Variants in DOCK9 observed in about 807,000 individuals in gnomAD.
DOCK9 encodes the protein dedicator of cytokinesis protein 9.
In DOCK9, 89 loss-of-function variants were observed where a neutral mutation model predicts 263.3. The observed-to-expected ratio is 0.34, with a 90% CI of 0.28 to 0.40. The LOEUF (loss-of-function observed/expected upper bound fraction) is 0.40. DOCK9 is among the 10% of genes least tolerant of loss of function. DOCK9 has a pLI of 1.00. For missense variants in DOCK9, 2,140 were observed against 2,603.4 expected (o/e 0.82, Z 3.87); for synonymous variants, 976 against 973.1 (o/e 1.00, Z -0.06).
intron 11 of DOCK9, among the ~76,000 whole-genome samples, 181 bp from the exon 12 acceptor site, chr13:98,902,672 A>G (rs553542041): frequency 9.9e-5 from 15 of 152,206 alleles, no homozygotes; most frequent in Non-Finnish European, 1.5e-4. Context: ...CAAACAAAAC[A>G]ATTATTTTAC....
At chr13:98,955,215 G>A (rs1156321781) in intron 2 of DOCK9, among the ~76,000 whole-genome samples, 4 of 152,118 alleles carry the variant, frequency 2.6e-5, no homozygotes, top group Non-Finnish European at 4.4e-5. Flanking sequence ...TTACTTGAGA[G>A]GCTGAGGCAG....
intron 1 of DOCK9, among the ~76,000 whole-genome samples, chr13:99,036,152 C>T (rs193067987): frequency 5.8e-4 from 88 of 152,292 alleles, no homozygotes; most frequent in Non-Finnish European, 9.7e-4. Flanking sequence ...TACATACACA[C>T]ATACACATCT....
intron 1 of DOCK9, among the ~76,000 whole-genome samples, chr13:99,008,775 C>T (rs72651870): frequency 0.083 from 12,675 of 152,124 alleles, 640 homozygotes; most frequent in East Asian, 0.19. Context: ...CTTGAGTTGG[C>T]GGGGTCCCAG....
At chr13:98,823,565 T>C (rs917876908) in intron 45 of DOCK9, among the ~76,000 whole-genome samples, 2 of 152,204 alleles carry the variant, frequency 1.3e-5, no homozygotes, top group African/African-American at 4.8e-5. Flanking sequence ...ACAACTTCAA[T>C]TTCCTTAAAA....
chr13:98,895,182 TA>T (rs1283507406), intron 15 of DOCK9, among the ~76,000 whole-genome samples: 1 of 150,616 alleles, frequency 6.6e-6, no homozygotes, highest in Non-Finnish European at 1.5e-5. Context: ...GGGGAAGAGT[TA>T]AATAATCTAT....
chr13:99,013,985 G>A (rs753695389), intron 1 of DOCK9, among the ~76,000 whole-genome samples: 2 of 152,220 alleles, frequency 1.3e-5, no homozygotes, highest in Admixed American at 6.5e-5. Flanking sequence ...ACGGCCTGCT[G>A]GTGCAGGCAA....
chr13:98,797,566 G>T (rs977111304), intron 50 of DOCK9, 77 bp from the exon 51 acceptor site: 41 of 1,300,426 alleles, frequency 3.2e-5, no homozygotes, highest in Admixed American at 2.1e-4. Context: ...CAGTTTGCAG[G>T]CACTAAAAAG....
chr13:98,978,067 G>A, upstream of DOCK9: 1 of 1,422,304 alleles, frequency 7.0e-7, no homozygotes, highest in Non-Finnish European at 9.1e-7. Flanking sequence ...CAGAGCCTGT[G>A]GGGTGGGAAG....
intron 12 of DOCK9, among the ~76,000 whole-genome samples, 176 bp from the exon 13 acceptor site, chr13:98,902,076 G>A (rs566897574): frequency 6.6e-6 from 1 of 152,318 alleles, no homozygotes; most frequent in South Asian, 2.1e-4. Flanking sequence ...TTTGGTGAGG[G>A]AGGTAACTAG....
chr13:98,809,464 C>A lies in DOCK9; in HGVS notation c.5255G>T (p.Arg1752Met). The change falls in exon 47 of 53, where the codon AGG becomes ATG. Residue 1752 changes from arginine to methionine, a missense_variant and splice_region_variant. By Grantham distance (91) the Arg-to-Met change is moderately conservative (BLOSUM62 -1). This residue lies in a region of DOCK9 where 619 missense variants were observed against 861.8 expected (regional missense o/e 0.72). Transcript: ENST00000682017. ...PIYEKRRDFE[R>M]LAHLYDTLHR... is the part of the protein sequence containing the mutation. Reference sequence around the variant, plus strand: ...CAGCGTGTCATACAGATGGGCCAGCCTCTGGAAAGCAGAACAAAGCCCATT... The same window carrying A: ...CAGCGTGTCATACAGATGGGCCAGCATCTGGAAAGCAGAACAAAGCCCATT... 6.3e-7 allele frequency: 1 copy of A among 1,592,086 alleles called. No individual in the cohort carries two copies. Among genetic ancestry groups the A allele is most frequent in the Non-Finnish European group, 8.5e-7 (1 of 1,172,044 alleles).
chr13:98,882,756 C>T (rs896439243), intron 23 of DOCK9, among the ~76,000 whole-genome samples: 1 of 152,280 alleles, frequency 6.6e-6, no homozygotes, highest in Admixed American at 6.5e-5. Flanking sequence ...TCACTGTGCT[C>T]GGTACCCAGG....
At chr13:98,993,959 C>T (rs1880409907) in intron 1 of DOCK9, among the ~76,000 whole-genome samples, 1 of 152,098 alleles carries the variant, frequency 6.6e-6, no homozygotes, top group Non-Finnish European at 1.5e-5. Context: ...ACCTTAGTAT[C>T]ATCAAGTTGT....
chr13:99,066,188 G>A (rs974687776), intron 1 of DOCK9, among the ~76,000 whole-genome samples: 1 of 152,166 alleles, frequency 6.6e-6, no homozygotes, highest in East Asian at 1.9e-4. Flanking sequence ...CACTCAAAAA[G>A]TGGTGTTTTT....
intron 1 of DOCK9, among the ~76,000 whole-genome samples, chr13:99,075,445 T>C (rs2041871838): frequency 1.3e-5 from 2 of 151,110 alleles, no homozygotes; most frequent in South Asian, 2.1e-4. Context: ...CATGACTTCC[T>C]GGACTTAAGC....
At chr13:98,965,705 A>G (rs2059119159) in intron 1 of DOCK9, among the ~76,000 whole-genome samples, 1 of 152,238 alleles carries the variant, frequency 6.6e-6, no homozygotes, top group Admixed American at 6.5e-5. Context: ...ACCTAAACTT[A>G]GATTTAGAAA....
intron 38 of DOCK9, among the ~76,000 whole-genome samples, chr13:98,841,617 T>A (rs1239479737): frequency 3.8e-5 from 5 of 132,198 alleles, no homozygotes; most frequent in Non-Finnish European, 6.5e-5. Context: ...ATGAACAAAA[T>A]TTTTTTTTTT....
intron 2 of DOCK9, among the ~76,000 whole-genome samples, chr13:98,935,994 C>T (rs574975414): frequency 3.3e-5 from 5 of 152,228 alleles, no homozygotes; most frequent in East Asian, 1.9e-4. Context: ...AGAAAATGCA[C>T]AGCCGGTGTA....
At chr13:98,913,161 G>A (rs1469328198) in intron 9 of DOCK9, among the ~76,000 whole-genome samples, 2 of 152,182 alleles carry the variant, frequency 1.3e-5, no homozygotes, top group African/African-American at 4.8e-5. Context: ...CAGCCATGTT[G>A]TCTTAAAATA....
intron 45 of DOCK9, among the ~76,000 whole-genome samples, chr13:98,818,880 T>A (rs1162253797): frequency 6.6e-6 from 1 of 152,200 alleles, no homozygotes; most frequent in Non-Finnish European, 1.5e-5. Context: ...AATGCCTGCA[T>A]GAGCCTATGT....
Sources: allele counts gnomAD v4.1 joint callset (sites outside exome capture counted in the v4.1 genomes callset), GRCh38; gene constraint gnomAD v4.1.1; regional missense constraint gnomAD v4.1.1; transcripts MANE v1.5; gene names NCBI Gene and HGNC (gene_info 2026-07-23, HGNC 2026-07-21).